Variants in MTOR observed in about 807,000 individuals in gnomAD.
MTOR encodes mechanistic target of rapamycin kinase, also known as serine/threonine-protein kinase mTOR.
A neutral mutation model predicts 319.8 loss-of-function variants in MTOR; 70 were observed. That is an observed-to-expected ratio of 0.22 (90% CI 0.18 to 0.27). The LOEUF (loss-of-function observed/expected upper bound fraction) is 0.27. Ranked by LOEUF, MTOR falls within the 10% of genes least tolerant of loss-of-function variation. The probability of loss-of-function intolerance (pLI) is 1.00; values close to 1 mark genes in which losing one functional copy is unlikely to be tolerated. For synonymous variants in MTOR, 1,183 were observed against 1,211.4 expected, an observed-to-expected ratio of 0.98 and a Z score of 0.49; for missense variants, 1,890 against 3,274.4, an observed-to-expected ratio of 0.58 and a Z score of 10.32.
intron 2 of MTOR, 100 bp from the exon 3 acceptor site, chr1:11,258,693 G>GTA (rs2100984532): frequency 1.2e-6 from 1 of 840,756 alleles, no homozygotes; most frequent in South Asian, 1.6e-5. Context: ...GAGGCAGGAG[G>GTA]TATAGTTCAA....
At chr1:11,154,225 C>T (rs1002705130) in intron 30 of MTOR, among the ~76,000 whole-genome samples, 6 of 150,552 alleles carry the variant, frequency 4.0e-5, no homozygotes, top group African/African-American at 1.5e-4. Context: ...ATAAATAAAG[C>T]GGATTTTAAA....
At chr1:11,194,523 C>T in intron 28 of MTOR, 2 of 1,614,134 alleles carry the variant, frequency 1.2e-6, no homozygotes, top group Non-Finnish European at 1.7e-6. Context: ...ATGAACTCAA[C>T]AGCTATCGCC....
intron 28 of MTOR, chr1:11,194,422 C>A (rs749707977): frequency 1.8e-5 from 29 of 1,600,648 alleles, no homozygotes; most frequent in Non-Finnish European, 1.9e-5. Context: ...TGAAATGGAG[C>A]CTGCTGCACT....
chr1:11,229,179 T>G (rs1646939722), intron 18 of MTOR, among the ~76,000 whole-genome samples: 1 of 152,220 alleles, frequency 6.6e-6, no homozygotes, highest in Non-Finnish European at 1.5e-5. Flanking sequence ...TGGTTTTCTC[T>G]AAATTGCTCT....
intron 30 of MTOR, chr1:11,152,280 G>A (rs1239314788): frequency 3.3e-5 from 5 of 152,194 alleles, no homozygotes; most frequent in African/African-American, 1.2e-4. Flanking sequence ...ACATAGGGAG[G>A]ACTGGGTAAA....
chr1:11,131,639 G>A (rs746553709), intron 38 of MTOR: 4 of 152,156 alleles, frequency 2.6e-5, no homozygotes, highest in Admixed American at 2.0e-4. Flanking sequence ...AGGAAGAACC[G>A]CTGGTGCTTA....
chr1:11,122,922 A>C (rs1336858615), intron 47 of MTOR, among the ~76,000 whole-genome samples: 1 of 152,230 alleles, frequency 6.6e-6, no homozygotes, highest in Non-Finnish European at 1.5e-5. Flanking sequence ...TGGTGCAGTG[A>C]AAGCAACACA....
intron 6 of MTOR, among the ~76,000 whole-genome samples, chr1:11,251,603 TTGAA>T (rs1042665686): frequency 1.3e-5 from 2 of 152,074 alleles, no homozygotes; most frequent in East Asian, 1.9e-4. Context: ...TTAATATGTG[TTGAA>T]TGAATGAACA....
chr1:11,109,683 C>A lies in MTOR; in HGVS notation c.7413G>T (p.Thr2471=). ...VELGEPAHKK[T]GTTVPESIHS... ...GAATAGATTCTGGCACTGTGGTCCCCGTTTTCTTATGGGCTGGCTCTCCAA... is the reference window on the plus strand; with the variant it reads ...GAATAGATTCTGGCACTGTGGTCCCAGTTTTCTTATGGGCTGGCTCTCCAA... The change falls in exon 55 of 58, where the codon ACG becomes ACT. Residue 2471 remains threonine, a synonymous_variant. Coordinates refer to ENST00000361445, the MANE Select transcript of MTOR (RefSeq NM_004958.4). This position sits in a 1 kb window ranked among gnomAD's most constrained non-coding sequence, Gnocchi z 4.0. 1 of 1,614,048 alleles carries A rather than the reference C, an allele frequency of 6.2e-7. No homozygotes were observed. The highest frequency in any genetic ancestry group is 1.1e-5 in the South Asian group (1 of 91,078).
chr1:11,206,582 A>G (rs912665004), intron 25 of MTOR, among the ~76,000 whole-genome samples: 1 of 152,232 alleles, frequency 6.6e-6, no homozygotes, highest in African/African-American at 2.4e-5. Flanking sequence ...AATAAATGTC[A>G]GTTGTTACTA....
Position 11,212,361 on chromosome 1 carries a change from G to A in MTOR, c.3512C>T (p.Ser1171Phe), listed in dbSNP as rs1646339995. 6.2e-7 allele frequency: 1 copy of A among 1,614,162 alleles called. No individual in the cohort carries two copies. Among genetic ancestry groups the A allele is most frequent in the Admixed American group, 1.7e-5 (1 of 60,026 alleles). The change falls in exon 23 of 58, where the codon TCC (serine) becomes TTC (phenylalanine). Residue 1171 changes from serine to phenylalanine, a missense_variant. Transcript: ENST00000361445. This position sits in a 1 kb window ranked among gnomAD's most constrained non-coding sequence, Gnocchi z 4.1. ...TGAAGACAGCGTGTCCATGGCTGTG[G>A]AGCGCAGTTCTGGGCTCTGGTCCAG... ...RTLDQSPELR[S>F]TAMDTLSSLV... is the part of the protein sequence containing the mutation.
chr1:11,261,637 G>A (rs969258698), intron 1 of MTOR, among the ~76,000 whole-genome samples: 1 of 152,068 alleles, frequency 6.6e-6, no homozygotes, highest in Non-Finnish European at 1.5e-5. Flanking sequence ...GTAAGGCACA[G>A]AGGAAAAACC....
chr1:11,254,073 C>T (rs1036424857), intron 5 of MTOR, 100 bp from the exon 6 acceptor site: 3 of 1,401,680 alleles, frequency 2.1e-6, no homozygotes, highest in Non-Finnish European at 3.0e-6. Context: ...GGTGCTACCA[C>T]GCCTGCTCAG....
chr1:11,129,483 TA>T lies in MTOR; in HGVS notation c.5714+254del, dbSNP rs1643008847. ...GAAATATTGTGATTAACAGATGGGT[TA>T]ATAATCCCTCCATAATAAACCACAC... On this transcript the variant is annotated intron_variant, in intron 40 of 57. Coordinates refer to ENST00000361445, the MANE Select transcript of MTOR (RefSeq NM_004958.4). This position sits in a 1 kb window ranked among gnomAD's most constrained non-coding sequence, Gnocchi z 4.7. Among the ~76,000 whole-genome samples the T allele has an allele frequency of 6.6e-6, 1 of 152,230 alleles. No homozygotes were observed. Among genetic ancestry groups the T allele is most frequent in the African/African-American group, 2.4e-5 (1 of 41,466 alleles).
intron 13 of MTOR, among the ~76,000 whole-genome samples, chr1:11,236,554 C>G (rs1647253534): frequency 6.7e-6 from 1 of 149,346 alleles, no homozygotes; most frequent in Non-Finnish European, 1.5e-5. Context: ...TGTCGCCAGG[C>G]TGGAGTGCAG....
chr1:11,203,044 G>A (rs528078008), intron 26 of MTOR, among the ~76,000 whole-genome samples: 1 of 150,112 alleles, frequency 6.7e-6, no homozygotes, highest in African/African-American at 2.5e-5. Context: ...GAAACCCCAC[G>A]TCTACTAAAA....
rs745536345 is a variant in MTOR, at chr1:11,253,983, G to C, written c.706-10C>G. ...CTTCTTCAAATGTGTGCTATGTAGAGAGACAGGGTGCCTTCATTAGAGACA... is the reference window on the plus strand; with the variant it reads ...CTTCTTCAAATGTGTGCTATGTAGACAGACAGGGTGCCTTCATTAGAGACA... On this transcript the variant is annotated splice_polypyrimidine_tract_variant and intron_variant, in intron 5 of 57. Coordinates refer to ENST00000361445, the MANE Select transcript of MTOR (RefSeq NM_004958.4). 4.8e-5 allele frequency: 77 copies of C among 1,614,144 alleles called. 1 individual carries two copies. Among genetic ancestry groups the C allele is most frequent in the Non-Finnish European group, 5.8e-5 (68 of 1,180,026 alleles).
chr1:11,194,518 C>T (rs762324810), intron 28 of MTOR: 56 of 1,614,038 alleles, frequency 3.5e-5, no homozygotes, highest in Non-Finnish European at 4.2e-5. Context: ...GGGCAATGAA[C>T]TCAACAGCTA....
At chr1:11,186,134 T>C (rs1645314262) in intron 28 of MTOR, among the ~76,000 whole-genome samples, 1 of 148,484 alleles carries the variant, frequency 6.7e-6, no homozygotes, top group African/African-American at 2.5e-5. Context: ...GTATAGAGTA[T>C]GGCAGGCTGT....
Sources: allele counts gnomAD v4.1 joint callset (sites outside exome capture counted in the v4.1 genomes callset), GRCh38; gene constraint gnomAD v4.1.1; non-coding constraint Gnocchi (gnomAD v3.1); transcripts MANE v1.5; gene names NCBI Gene and HGNC (gene_info 2026-07-23, HGNC 2026-07-21).